Variants in PCDHGA5 observed in about 807,000 individuals in gnomAD.
PCDHGA5 encodes the protein protocadherin gamma subfamily A, 5, also known as protocadherin gamma-A5.
In PCDHGA5, 36 loss-of-function variants were observed where a neutral mutation model predicts 56.7. That is an observed-to-expected ratio of 0.64 (90% CI 0.49 to 0.84). PCDHGA5 has a LOEUF of 0.84. Ranked by LOEUF, PCDHGA5 falls within the 40% of genes least tolerant of loss-of-function variation. The pLI is 0.00. For synonymous variants in PCDHGA5, 563 were observed against 520.2 expected, an observed-to-expected ratio of 1.08 and a Z score of -1.12; for missense variants, 1,305 against 1,201.5, an observed-to-expected ratio of 1.09 and a Z score of -1.27.
intron 1 of PCDHGA5, chr5:141,376,225 C>T (rs1772427738): frequency 6.2e-7 from 1 of 1,614,206 alleles, no homozygotes; most frequent in Non-Finnish European, 8.5e-7. Context: ...TGCTGGCGCT[C>T]AGACTGCAGC....
chr5:141,418,151 G>A (rs1276817622), intron 1 of PCDHGA5: 4 of 1,613,990 alleles, frequency 2.5e-6, no homozygotes, highest in East Asian at 4.5e-5. Context: ...AATATGCAAA[G>A]AGAGAAGAAG....
In PCDHGA5 at chr5:141,399,169, C is replaced by G. The variant is rs371809310; in HGVS notation, c.2421+32418C>G. On this transcript the variant is annotated intron_variant, in intron 1 of 3. Transcript: ENST00000518069. ...TAGCCCAGAAGTTACATTCCATTCT[C>G]TACTTGAAATGATTCTGGAAAACGC... 2.4e-5 allele frequency: 38 copies of G among 1,613,632 alleles called. No individual in the cohort carries two copies. In the African/African-American group the frequency reaches 4.0e-4, roughly 17 times the overall value.
Position 141,366,595 on chromosome 5 carries a change from C to T in PCDHGA5, c.2265C>T (p.His755=). 1 of 1,614,264 alleles carries T rather than the reference C, an allele frequency of 6.2e-7. No homozygotes were observed. The highest frequency in any genetic ancestry group is 8.5e-7 in the Non-Finnish European group (1 of 1,180,054). ...GVRAFLQTYS[H]EVSLTADSRK... is the part of the protein sequence containing the mutation. ...GGGCTTTCCTGCAGACCTATTCCCA[C>T]GAGGTCTCCCTCACCGCGGACTCGA... Residue 755 remains histidine, a synonymous_variant, in exon 1 of 4, where the codon CAC becomes CAT. Coordinates refer to ENST00000518069, the MANE Select transcript of PCDHGA5 (RefSeq NM_018918.3).
Position 141,406,737 on chromosome 5 carries a change from T to C in PCDHGA5, c.2421+39986T>C, listed in dbSNP as rs540886306. 1.1e-4 allele frequency among the ~76,000 whole-genome samples: 16 copies of C among 152,348 alleles called. No homozygotes were observed. The South Asian group carries it at 3.3e-3, about 32-fold the overall frequency. ...AAGAGAAGTTTCTAAGACTGGACAC[T>C]GTGAAATGACAAAACAAGGAATTAA... On this transcript the variant is annotated intron_variant, in intron 1 of 3. Coordinates refer to ENST00000518069, the MANE Select transcript of PCDHGA5 (RefSeq NM_018918.3).
chr5:141,413,180 C>CCGCTCAAAGGAAT (rs760676891), intron 1 of PCDHGA5: 75 of 1,602,494 alleles, frequency 4.7e-5, no homozygotes, highest in Non-Finnish European at 6.1e-5. Flanking sequence ...ACTACAATGG[C>CCGCTCAAAGGAAT]CGCTCAAAGG....
intron 1 of PCDHGA5, among the ~76,000 whole-genome samples, chr5:141,455,998 T>C (rs1301217416): frequency 2.6e-5 from 4 of 151,692 alleles, no homozygotes; most frequent in Non-Finnish European, 4.4e-5. Flanking sequence ...CTCGGGTTCA[T>C]GCCATTCTCC....
chr5:141,476,453 G>C lies in PCDHGA5; in HGVS notation c.2422-18354G>C. On this transcript the variant is annotated intron_variant, in intron 1 of 3. Coordinates refer to ENST00000518069, the MANE Select transcript of PCDHGA5 (RefSeq NM_018918.3). This position sits in a 1 kb window ranked among gnomAD's most constrained non-coding sequence, Gnocchi z 7.6. The stretch of plus-strand genomic sequence containing the variant: ...CACTGTAACTCTGGAGTTGGTAGTG[G>C]AGAACCCGCTGGAGCTGTTCAGCGT... 2 of 1,614,138 alleles carry C rather than the reference G, an allele frequency of 1.2e-6. No homozygotes were observed. Among genetic ancestry groups the C allele is most frequent in the Non-Finnish European group, 1.7e-6 (2 of 1,180,022 alleles).
rs758439978 is a variant in PCDHGA5 at position 141,415,219 on chromosome 5, T to C, written c.2421+48468T>C. ...CCAAGTCCTGGCGGACCTCGGCAGC[T>C]TCGAGTCTCCAGCTAACTCTGAAAC... On this transcript the variant is annotated intron_variant, in intron 1 of 3. Coordinates refer to ENST00000518069, the MANE Select transcript of PCDHGA5 (RefSeq NM_018918.3). 42 of 1,613,954 alleles carry C rather than the reference T, an allele frequency of 2.6e-5. No individual in the cohort carries two copies. Among genetic ancestry groups the C allele is most frequent in the South Asian group, 9.9e-5 (9 of 91,088 alleles).
At chr5:141,385,488 T>C in intron 1 of PCDHGA5, 1 of 1,400,248 alleles carries the variant, frequency 7.1e-7, no homozygotes, top group Non-Finnish European at 9.3e-7. Context: ...ATAGAACACA[T>C]AGGATATAGT....
At chr5:141,439,523 T>A (rs2098118339) in intron 1 of PCDHGA5, among the ~76,000 whole-genome samples, 1 of 152,202 alleles carries the variant, frequency 6.6e-6, no homozygotes, top group African/African-American at 2.4e-5. Context: ...CAACTAACTC[T>A]ACAGAACGCT....
intron 1 of PCDHGA5, chr5:141,415,176 C>T: frequency 6.2e-7 from 1 of 1,613,934 alleles, no homozygotes; most frequent in Non-Finnish European, 8.5e-7. Context: ...TCACCGTGGC[C>T]GTGGCCGACA....
chr5:141,455,502 A>G (rs888549465), intron 1 of PCDHGA5, among the ~76,000 whole-genome samples: 12 of 152,206 alleles, frequency 7.9e-5, no homozygotes, highest in African/African-American at 2.7e-4. Flanking sequence ...TCTGATTTGC[A>G]TAGGGCTCAG....
At chr5:141,404,114 G>C (rs2094486353) in intron 1 of PCDHGA5, 4 of 1,613,348 alleles carry the variant, frequency 2.5e-6, no homozygotes, top group Non-Finnish European at 3.4e-6. Context: ...TTCTATCCAG[G>C]AGAATCTATC....
In PCDHGA5 at chr5:141,431,494, C is replaced by A; in HGVS notation, c.2422-63313C>A. 6.2e-7 allele frequency: 1 copy of A among 1,613,956 alleles called. No homozygotes were observed. Among genetic ancestry groups the A allele is most frequent in the Middle Eastern group, 1.6e-4 (1 of 6,062 alleles). On this transcript the variant is annotated intron_variant, in intron 1 of 3. Coordinates refer to ENST00000518069, the MANE Select transcript of PCDHGA5 (RefSeq NM_018918.3). This position sits in a 1 kb window ranked among gnomAD's most constrained non-coding sequence, Gnocchi z 4.8. Reference sequence around the variant, plus strand: ...ACAACGCACCAGCGTTTGCTCAGCCCGAGTACCGCGCGAGCGTTCCGGAGA... The same window carrying A: ...ACAACGCACCAGCGTTTGCTCAGCCAGAGTACCGCGCGAGCGTTCCGGAGA...
At chr5:141,498,530 A>G (rs1275299749) in intron 2 of PCDHGA5, among the ~76,000 whole-genome samples, 1 of 149,364 alleles carries the variant, frequency 6.7e-6, no homozygotes, top group Non-Finnish European at 1.5e-5. Flanking sequence ...ACTGCCCTCC[A>G]GCCTGGTCTG....
Position 141,364,858 on chromosome 5 carries a change from G to A in PCDHGA5, c.528G>A (p.Leu176=), listed in dbSNP as rs199575653. 5.2e-5 allele frequency: 84 copies of A among 1,613,888 alleles called. No homozygotes were observed. The highest frequency in any genetic ancestry group is 5.0e-4 in the Admixed American group (30 of 60,008). Residue 176 remains leucine, a synonymous_variant, in exon 1 of 4, where the codon CTG becomes CTA. Coordinates refer to ENST00000518069, the MANE Select transcript of PCDHGA5 (RefSeq NM_018918.3). Reference sequence around the variant, plus strand: ...GGAGTTACCAGCTCAGCTCCAATCTGCACTTCTCTCTGGATGTGGTAAGCG... The same window carrying A: ...GGAGTTACCAGCTCAGCTCCAATCTACACTTCTCTCTGGATGTGGTAAGCG... ...SLRSYQLSSN[L]HFSLDVVSGT...
intron 2 of PCDHGA5, among the ~76,000 whole-genome samples, chr5:141,497,171 C>T (rs991574648): frequency 6.6e-6 from 1 of 151,148 alleles, no homozygotes; most frequent in African/African-American, 2.5e-5. Context: ...CCACAAATCA[C>T]AGTAAGTTCT....
chr5:141,478,352 G>T lies in PCDHGA5; in HGVS notation c.2422-16455G>T, dbSNP rs767743120. 36 of 1,613,674 alleles carry T rather than the reference G, an allele frequency of 2.2e-5. No homozygotes were observed. Among genetic ancestry groups the T allele is most frequent in the Non-Finnish European group, 3.1e-5 (36 of 1,180,016 alleles). On this transcript the variant is annotated intron_variant, in intron 1 of 3. Transcript: ENST00000518069. ...ACCAGGGCCCTCCTTGCACGCGGACGCCGTGCGGGGAGGCCTGATGTCGCC... is the reference window on the plus strand; with the variant it reads ...ACCAGGGCCCTCCTTGCACGCGGACTCCGTGCGGGGAGGCCTGATGTCGCC...
At chr5:141,508,983 C>T (rs532410967) in intron 3 of PCDHGA5, among the ~76,000 whole-genome samples, 44 of 152,148 alleles carry the variant, frequency 2.9e-4, no homozygotes, top group Non-Finnish European at 4.4e-4. Flanking sequence ...GGGGTGGGGG[C>T]CAGCTGGGGT....
Sources: allele counts gnomAD v4.1 joint callset (sites outside exome capture counted in the v4.1 genomes callset), GRCh38; gene constraint gnomAD v4.1.1; non-coding constraint Gnocchi (gnomAD v3.1); transcripts MANE v1.5; gene names NCBI Gene and HGNC (gene_info 2026-07-23, HGNC 2026-07-21).